Variants in MTAP observed in about 807,000 individuals in gnomAD.
The protein encoded by MTAP is S-methyl-5'-thioadenosine phosphorylase.
Under a neutral mutation model 33.6 loss-of-function variants are expected in MTAP, and 33 were observed. The ratio of observed to expected loss-of-function variants is 0.98; its 90% CI spans 0.74 to 1.31. The LOEUF is 1.31. Ranked by LOEUF, MTAP falls within the 40% of genes most tolerant of loss-of-function variation. The pLI is 0.00. For synonymous variants in MTAP, 148 were observed against 125.7 expected (o/e 1.18, Z -1.19); for missense variants, 367 against 360.0 (o/e 1.02, Z -0.16).
intron 1 of MTAP, among the ~76,000 whole-genome samples, chr9:21,888,247 T>G (rs1225362427): frequency 6.6e-6 from 1 of 152,232 alleles, no homozygotes; most frequent in Non-Finnish European, 1.5e-5. Flanking sequence ...TGTCATATGC[T>G]CTATGTTGGA....
chr9:21,813,612 C>T (rs1824405211), intron 1 of MTAP, among the ~76,000 whole-genome samples: 1 of 152,202 alleles, frequency 6.6e-6, no homozygotes, highest in African/African-American at 2.4e-5. Context: ...TCCCGAGCAT[C>T]CAGTGTTGAA....
chr9:21,912,276 A>G (rs990778958), intron 1 of MTAP, among the ~76,000 whole-genome samples: 16 of 152,238 alleles, frequency 1.1e-4, no homozygotes, highest in Admixed American at 7.9e-4. Flanking sequence ...TCCCTAACTC[A>G]TTTTATGAGG....
intron 4 of MTAP, among the ~76,000 whole-genome samples, chr9:21,830,571 C>T (rs1824942062): frequency 1.3e-5 from 2 of 152,182 alleles, no homozygotes; most frequent in South Asian, 4.1e-4. Context: ...GACCTTTAGT[C>T]TGTCCTAAAA....
At position 21,862,041 on chromosome 9, in the gene MTAP, A is replaced by G. The variant is rs983997486; in HGVS notation, c.*27A>G. 3 of 1,611,672 alleles carry G rather than the reference A, an allele frequency of 1.9e-6. No homozygotes were observed. Among genetic ancestry groups the G allele is most frequent in the Non-Finnish European group, 2.5e-6 (3 of 1,179,262 alleles). On this transcript the variant is annotated 3_prime_UTR_variant, in exon 8 of 8. Coordinates refer to ENST00000644715, the MANE Select transcript of MTAP (RefSeq NM_002451.4). ...GTAGCATGGCTGCCCAGGAGAAAAG[A>G]AGACATTCTAATTCCAGTCATTTTG...
Position 21,863,493 on chromosome 9 carries a change from G to C in MTAP, c.*1479G>C. ...GTGGTGGTGGGCACCTGTAGTCCCA[G>C]CTACTCAGGAGGCTGAGGCAGGAGA... On this transcript the variant is annotated 3_prime_UTR_variant, in exon 8 of 8. Transcript: ENST00000644715. The C allele has an allele frequency of 2.0e-6, 1 of 505,144 alleles. No homozygotes were observed. 31.3% of individuals were successfully genotyped at this position (505,144 alleles called of 1,614,324 possible). A position where few individuals can be genotyped will look rare whatever the true frequency, so the allele number is the denominator to read the frequency against.
At chr9:21,833,595 T>C (rs1354294085) in intron 4 of MTAP, among the ~76,000 whole-genome samples, 1 of 152,206 alleles carries the variant, frequency 6.6e-6, no homozygotes, top group Non-Finnish European at 1.5e-5. Context: ...TTTTAAATGA[T>C]GGGTAGATTC....
chr9:21,823,775 A>G (rs991798924), intron 4 of MTAP, among the ~76,000 whole-genome samples: 6 of 152,040 alleles, frequency 3.9e-5, no homozygotes, highest in Non-Finnish European at 7.4e-5. Context: ...TGGTCTTTTC[A>G]CATAGTCCCA....
At chr9:21,806,035 C>A (rs1824199481) in intron 1 of MTAP, among the ~76,000 whole-genome samples, 1 of 152,140 alleles carries the variant, frequency 6.6e-6, no homozygotes, top group Admixed American at 6.5e-5. Flanking sequence ...ATAAGGCCAT[C>A]CTTGTAGACC....
chr9:21,808,914 C>T (rs10965144), intron 1 of MTAP: 54,096 of 152,066 alleles, frequency 0.36, 10,231 homozygotes, highest in East Asian at 0.44. Context: ...ACATGGAGAA[C>T]GCTGCCATCT....
At chr9:21,878,462 A>G (rs1826042292) in intron 1 of MTAP, among the ~76,000 whole-genome samples, 1 of 151,712 alleles carries the variant, frequency 6.6e-6, no homozygotes, top group African/African-American at 2.4e-5. Flanking sequence ...TTAATTTGAG[A>G]TCTTTCTAAC....
At chr9:21,923,771 A>G (rs532354145) in intron 1 of MTAP, among the ~76,000 whole-genome samples, 7 of 152,096 alleles carry the variant, frequency 4.6e-5, no homozygotes, top group Non-Finnish European at 1.0e-4. Context: ...CTGAAAAACA[A>G]GCTTCTCATC....
intron 1 of MTAP, among the ~76,000 whole-genome samples, chr9:21,898,113 C>G (rs1332661593): frequency 6.6e-6 from 1 of 152,178 alleles, no homozygotes; most frequent in South Asian, 2.1e-4. Flanking sequence ...ACAAACCTGA[C>G]AAAAACAAGA....
At chr9:21,877,145 A>AT (rs1356792247) in intron 1 of MTAP, among the ~76,000 whole-genome samples, 3 of 151,844 alleles carry the variant, frequency 2.0e-5, no homozygotes, top group Non-Finnish European at 4.4e-5. Flanking sequence ...TGCATTCCTG[A>AT]TTTGGCTCTC....
downstream of MTAP, among the ~76,000 whole-genome samples, chr9:21,940,570 C>G (rs1231163476): frequency 6.6e-6 from 1 of 152,148 alleles, no homozygotes; most frequent in African/African-American, 2.4e-5. Flanking sequence ...ACCGAGCTGA[C>G]TACAAATTTG....
At chr9:21,941,070 T>A, downstream of MTAP, 1 of 837,698 alleles carries the variant, frequency 1.2e-6, no homozygotes, top group African/African-American at 1.8e-5. Context: ...TCTGCATGTA[T>A]AATAGTTACT....
intron 4 of MTAP, among the ~76,000 whole-genome samples, chr9:21,824,237 C>T (rs890570225): frequency 6.6e-6 from 1 of 152,166 alleles, no homozygotes; most frequent in Non-Finnish European, 1.5e-5. Flanking sequence ...GTGGTTTTAT[C>T]TACCTTTGGT....
chr9:21,899,560 T>A (rs1391817820), intron 1 of MTAP, among the ~76,000 whole-genome samples: 1 of 152,076 alleles, frequency 6.6e-6, no homozygotes, highest in Non-Finnish European at 1.5e-5. Flanking sequence ...CTTACAGTCA[T>A]GGTGGAAGGT....
chr9:21,808,594 A>C lies in MTAP; in HGVS notation c.33+5813A>C, dbSNP rs1824266921. ...GTGACAAAGTGAGACTCTGTTTCCAAAAAAAAAAAAAACACACACACACAC... is the reference window on the plus strand; with the variant it reads ...GTGACAAAGTGAGACTCTGTTTCCACAAAAAAAAAAAACACACACACACAC... On this transcript the variant is annotated intron_variant, in intron 1 of 7. Transcript: ENST00000644715. 1.0e-4 allele frequency among the ~76,000 whole-genome samples: 10 copies of C among 96,384 alleles called. No homozygotes were observed. In the South Asian group the frequency reaches 1.3e-3, roughly 12 times the overall value. The allele number at this position is 96,384 out of a possible 152,430, so 63.2% of individuals were successfully genotyped here. A position where few individuals can be genotyped will look rare whatever the true frequency, so the allele number is the denominator to read the frequency against.
chr9:21,855,041 A>G (rs1442507700), intron 6 of MTAP, among the ~76,000 whole-genome samples, 171 bp downstream of exon 6: 1 of 152,218 alleles, frequency 6.6e-6, no homozygotes, highest in African/African-American at 2.4e-5. Context: ...AGATCAAAGG[A>G]AAGAAAGAGA....
Sources: allele counts gnomAD v4.1 joint callset (sites outside exome capture counted in the v4.1 genomes callset), GRCh38; gene constraint gnomAD v4.1.1; transcripts MANE v1.5; gene names NCBI Gene and HGNC (gene_info 2026-07-23, HGNC 2026-07-21).